Variants in KCNH7 observed in about 807,000 individuals in gnomAD.
The protein encoded by KCNH7 is voltage-gated inwardly rectifying potassium channel KCNH7.
KCNH7 carries 49 observed loss-of-function variants against 120.8 expected under a neutral mutation model. The ratio of observed to expected loss-of-function variants is 0.41; its 90% CI spans 0.32 to 0.51. KCNH7 has a LOEUF of 0.51. Ranked by LOEUF, KCNH7 falls within the 20% of genes least tolerant of loss-of-function variation. KCNH7 has a pLI of 0.38. For missense variants in KCNH7, 1,097 were observed against 1,446.6 expected (o/e 0.76, Z 3.92); for synonymous variants, 547 against 516.1 (o/e 1.06, Z -0.81).
intron 6 of KCNH7, among the ~76,000 whole-genome samples, chr2:162,468,486 T>C (rs1445097267): frequency 6.6e-6 from 1 of 151,466 alleles, no homozygotes; most frequent in Non-Finnish European, 1.5e-5. Flanking sequence ...TATTTCTATA[T>C]CTTGGGCAAG....
At chr2:162,702,588 G>C (rs2105345653) in intron 2 of KCNH7, among the ~76,000 whole-genome samples, 1 of 152,250 alleles carries the variant, frequency 6.6e-6, no homozygotes, top group South Asian at 2.1e-4. Flanking sequence ...CTGTAGACGT[G>C]ATAGGAAAGA....
intron 2 of KCNH7, among the ~76,000 whole-genome samples, chr2:162,764,444 T>C (rs1174307099): frequency 6.6e-6 from 1 of 152,178 alleles, no homozygotes; most frequent in Admixed American, 6.6e-5. Flanking sequence ...TATCTAAATA[T>C]TGTTAAAGAT....
At chr2:162,389,087 G>A (rs1424613231) in intron 12 of KCNH7, among the ~76,000 whole-genome samples, 1 of 151,880 alleles carries the variant, frequency 6.6e-6, no homozygotes, top group African/African-American at 2.4e-5. Flanking sequence ...GTTGTTACAG[G>A]CACATCTTTA....
At chr2:162,824,653 G>A (rs12611890) in intron 2 of KCNH7, among the ~76,000 whole-genome samples, 91,295 of 151,882 alleles carry the variant, frequency 0.6, 28,422 homozygotes, top group South Asian at 0.84. Flanking sequence ...CAGTTTATCT[G>A]ATACTGTGTT....
At chr2:162,641,777 A>T (rs1684165441) in intron 2 of KCNH7, among the ~76,000 whole-genome samples, 1 of 152,162 alleles carries the variant, frequency 6.6e-6, no homozygotes, top group Non-Finnish European at 1.5e-5. Context: ...AAATGTTATC[A>T]TTGGTGGAAA....
intron 2 of KCNH7, among the ~76,000 whole-genome samples, chr2:162,572,954 G>A (rs543052678): frequency 2.6e-5 from 4 of 152,152 alleles, no homozygotes; most frequent in South Asian, 4.1e-4. Context: ...GCTAGATGAC[G>A]AGTTAGTGGG....
intron 6 of KCNH7, among the ~76,000 whole-genome samples, chr2:162,501,819 T>C (rs1278830976): frequency 6.6e-6 from 1 of 152,136 alleles, no homozygotes. Flanking sequence ...CTGGTGATTA[T>C]GTTTCAACAC....
chr2:162,787,799 T>A (rs1178330083), intron 2 of KCNH7, among the ~76,000 whole-genome samples: 1 of 152,008 alleles, frequency 6.6e-6, no homozygotes, highest in Non-Finnish European at 1.5e-5. Flanking sequence ...ACCCACAGAC[T>A]CACAGGCTCC....
intron 2 of KCNH7, among the ~76,000 whole-genome samples, chr2:162,620,602 A>T (rs563260991): frequency 7.6e-4 from 115 of 152,106 alleles, no homozygotes; most frequent in Non-Finnish European, 1.3e-3. Flanking sequence ...AGATCTACAT[A>T]GTTTTGAAAT....
intron 2 of KCNH7, among the ~76,000 whole-genome samples, chr2:162,587,524 T>A (rs1040299958): frequency 3.3e-5 from 5 of 152,174 alleles, no homozygotes; most frequent in African/African-American, 1.2e-4. Flanking sequence ...TTAGAATTTT[T>A]TTAAAAAAAT....
chr2:162,645,038 C>G (rs1684304906), intron 2 of KCNH7, among the ~76,000 whole-genome samples: 1 of 152,124 alleles, frequency 6.6e-6, no homozygotes, highest in Non-Finnish European at 1.5e-5. Flanking sequence ...GCAATAAGTA[C>G]AACTTTTCTG....
At chr2:162,765,868 T>TC (rs1471594899) in intron 2 of KCNH7, among the ~76,000 whole-genome samples, 6 of 152,138 alleles carry the variant, frequency 3.9e-5, no homozygotes, top group African/African-American at 1.4e-4. Flanking sequence ...CAAATGATCC[T>TC]CCGGCCTCAG....
chr2:162,440,040 T>C (rs1186162636), intron 7 of KCNH7, among the ~76,000 whole-genome samples: 1 of 151,754 alleles, frequency 6.6e-6, no homozygotes, highest in African/African-American at 2.4e-5. Flanking sequence ...TACTCAAGAA[T>C]AAATTGTCTA....
At chr2:162,551,944 A>G (rs1375384246) in intron 2 of KCNH7, among the ~76,000 whole-genome samples, 3 of 152,140 alleles carry the variant, frequency 2.0e-5, no homozygotes, top group Non-Finnish European at 4.4e-5. Context: ...GAAATGTAAC[A>G]TTTTTCTGTA....
intron 3 of KCNH7, among the ~76,000 whole-genome samples, chr2:162,534,439 A>AT (rs1268681396): frequency 3.5e-4 from 53 of 151,472 alleles, no homozygotes; most frequent in South Asian, 2.1e-4. Flanking sequence ...GGAACTGAGG[A>AT]TTTTTTTAAA....
chr2:162,730,344 T>G (rs750489454), intron 2 of KCNH7, among the ~76,000 whole-genome samples: 1 of 150,704 alleles, frequency 6.6e-6, no homozygotes, highest in Non-Finnish European at 1.5e-5. Flanking sequence ...CAAGATTAAT[T>G]AAAAATTACA....
At chr2:162,636,047 C>A (rs1683946301) in intron 2 of KCNH7, among the ~76,000 whole-genome samples, 1 of 152,036 alleles carries the variant, frequency 6.6e-6, no homozygotes, top group South Asian at 2.1e-4. Flanking sequence ...TTTTTGACAC[C>A]TACTTTGGTT....
At chr2:162,511,878 C>A (rs188269774) in intron 5 of KCNH7, among the ~76,000 whole-genome samples, 1 of 151,680 alleles carries the variant, frequency 6.6e-6, no homozygotes, top group African/African-American at 2.4e-5. Flanking sequence ...TTTGCACACC[C>A]ACAGCAGCAT....
At chr2:162,477,158 T>C (rs1287070252) in intron 6 of KCNH7, among the ~76,000 whole-genome samples, 1 of 152,236 alleles carries the variant, frequency 6.6e-6, no homozygotes, top group African/African-American at 2.4e-5. Flanking sequence ...TAAGTAACGA[T>C]TAAAGGCAGT....
Sources: allele counts gnomAD v4.1 joint callset (sites outside exome capture counted in the v4.1 genomes callset), GRCh38; gene constraint gnomAD v4.1.1; transcripts MANE v1.5; gene names NCBI Gene and HGNC (gene_info 2026-07-23, HGNC 2026-07-21).